CALCR: variants seen among roughly 807,000 people sequenced by gnomAD.
CALCR encodes calcitonin receptor.
Under a neutral mutation model 59.5 loss-of-function variants are expected in CALCR, and 47 were observed. The observed-to-expected ratio is 0.79, with a 90% CI of 0.63 to 1.01. The LOEUF (loss-of-function observed/expected upper bound fraction) is 1.01. Among genes scored for constraint, CALCR ranks in the 50% least tolerant of loss-of-function variants. CALCR has a pLI of 0.00. For synonymous variants in CALCR, 213 were observed against 211.3 expected (o/e 1.01, Z -0.07); for missense variants, 566 against 597.1 (o/e 0.95, Z 0.54).
intron 13 of CALCR, among the ~76,000 whole-genome samples, chr7:93,430,793 G>C (rs1562924406): frequency 6.6e-6 from 1 of 152,120 alleles, no homozygotes; most frequent in Non-Finnish European, 1.5e-5. Context: ...TGCTGCTGGG[G>C]CCAAGCAATC....
chr7:93,545,147 T>G (rs1345381258), intron 2 of CALCR, among the ~76,000 whole-genome samples: 1 of 152,110 alleles, frequency 6.6e-6, no homozygotes, highest in African/African-American at 2.4e-5. Flanking sequence ...TGGCCTACTT[T>G]GTAAACACAG....
intron 2 of CALCR, among the ~76,000 whole-genome samples, chr7:93,532,838 C>CAAAAAAAGA (rs1788878085): frequency 1.0e-5 from 1 of 95,718 alleles, no homozygotes; most frequent in Non-Finnish European, 2.0e-5. Flanking sequence ...ATGTCCAAAG[C>CAAAAAAAGA]AAAAAAAAAA....
intron 3 of CALCR, among the ~76,000 whole-genome samples, chr7:93,483,465 A>C (rs1244247972): frequency 6.7e-6 from 1 of 149,438 alleles, no homozygotes; most frequent in Non-Finnish European, 1.5e-5. Context: ...AGACAGACAG[A>C]TAGATAGATA....
At chr7:93,574,628 G>T (rs540183982) in intron 1 of CALCR, 64 bp downstream of exon 1, 1 of 152,448 alleles carries the variant, frequency 6.6e-6, no homozygotes, top group East Asian at 1.9e-4. Context: ...TGTATTATCA[G>T]CTAAAAGACA....
intron 6 of CALCR, among the ~76,000 whole-genome samples, chr7:93,469,210 C>T (rs1800502194): frequency 6.6e-6 from 1 of 151,716 alleles, no homozygotes; most frequent in African/African-American, 2.4e-5. Flanking sequence ...GCTGTCCTGA[C>T]CTACAGAGGG....
intron 2 of CALCR, among the ~76,000 whole-genome samples, chr7:93,532,019 C>T (rs1788854674): frequency 6.6e-6 from 1 of 151,960 alleles, no homozygotes; most frequent in Non-Finnish European, 1.5e-5. Context: ...TAAAAAACAA[C>T]TATAATGCAA....
chr7:93,532,090 T>C (rs1788856065), intron 2 of CALCR, among the ~76,000 whole-genome samples: 1 of 152,088 alleles, frequency 6.6e-6, no homozygotes, highest in Non-Finnish European at 1.5e-5. Context: ...TATCTATTGA[T>C]AGCCATAAAG....
At chr7:93,528,658 A>C (rs1788744603) in intron 2 of CALCR, among the ~76,000 whole-genome samples, 1 of 152,212 alleles carries the variant, frequency 6.6e-6, no homozygotes, top group Non-Finnish European at 1.5e-5. Context: ...AATGTAATAT[A>C]ATCTTAAAGG....
At chr7:93,519,158 G>A (rs1448398082) in intron 2 of CALCR, among the ~76,000 whole-genome samples, 2 of 151,742 alleles carry the variant, frequency 1.3e-5, no homozygotes, top group Admixed American at 6.6e-5. Flanking sequence ...GTCTTCACTC[G>A]TACATACTAA....
At position 93,466,052 on chromosome 7, in the gene CALCR, G is replaced by A. The variant is rs144006248; in HGVS notation, c.521+2663C>T. 5.8e-3 allele frequency among the ~76,000 whole-genome samples: 879 copies of A among 151,930 alleles called. 2 individuals carry two copies. Among genetic ancestry groups the A allele is most frequent in the Non-Finnish European group, 0.01 (696 of 67,892 alleles). ...TCAATGGAATGATTGTGAATGGGGCGTCAGCTCTCAGAAGTGGAGCTGGGT... is the reference window on the plus strand; with the variant it reads ...TCAATGGAATGATTGTGAATGGGGCATCAGCTCTCAGAAGTGGAGCTGGGT... On this transcript the variant is annotated intron_variant, in intron 7 of 13. Transcript: ENST00000426151.
chr7:93,495,819 C>A (rs1801188664), intron 2 of CALCR: 41 of 1,177,190 alleles, frequency 3.5e-5, no homozygotes, highest in Non-Finnish European at 5.0e-5. Context: ...TTAGAACATG[C>A]AAATGAAGAA....
chr7:93,569,464 T>C (rs563171884), intron 2 of CALCR, among the ~76,000 whole-genome samples: 7 of 152,252 alleles, frequency 4.6e-5, no homozygotes, highest in African/African-American at 1.7e-4. Context: ...CCCCTCTTTA[T>C]CTAGCTCATT....
intron 8 of CALCR, among the ~76,000 whole-genome samples, chr7:93,444,688 G>GTGAC (rs1462579622): frequency 6.6e-6 from 1 of 152,028 alleles, no homozygotes; most frequent in Non-Finnish European, 1.5e-5. Context: ...TTGAGGATGC[G>GTGAC]TGACTGAGGG....
intron 2 of CALCR, among the ~76,000 whole-genome samples, chr7:93,504,813 T>G (rs555966280): frequency 6.6e-6 from 1 of 152,296 alleles, no homozygotes; most frequent in East Asian, 1.9e-4. Context: ...TAGTGTTATC[T>G]ATTCACTTTG....
At chr7:93,511,513 T>C (rs1241968009) in intron 2 of CALCR, among the ~76,000 whole-genome samples, 1 of 152,112 alleles carries the variant, frequency 6.6e-6, no homozygotes, top group Non-Finnish European at 1.5e-5. Context: ...CAACAATTTA[T>C]TGAACATATT....
intron 2 of CALCR, among the ~76,000 whole-genome samples, chr7:93,563,072 G>A (rs990361900): frequency 1.3e-5 from 2 of 152,138 alleles, no homozygotes; most frequent in Non-Finnish European, 2.9e-5. Context: ...GAACATGGAA[G>A]TACACACAAA....
intron 2 of CALCR, among the ~76,000 whole-genome samples, chr7:93,539,053 C>A (rs1248476654): frequency 2.0e-5 from 3 of 152,048 alleles, no homozygotes. Context: ...ACTCATAGAT[C>A]TTATATGCTT....
intron 2 of CALCR, among the ~76,000 whole-genome samples, chr7:93,566,311 GA>G (rs995894075): frequency 9.2e-5 from 14 of 152,100 alleles, no homozygotes; most frequent in African/African-American, 3.4e-4. Context: ...AACTTAATAT[GA>G]AGTGTGATCC....
intron 2 of CALCR, among the ~76,000 whole-genome samples, chr7:93,492,391 A>C (rs1386046936): frequency 1.3e-5 from 2 of 151,430 alleles, no homozygotes; most frequent in African/African-American, 4.8e-5. Context: ...ATTTTTCCAG[A>C]TATAAATTAC....
Sources: allele counts gnomAD v4.1 joint callset (sites outside exome capture counted in the v4.1 genomes callset), GRCh38; gene constraint gnomAD v4.1.1; transcripts MANE v1.5; gene names NCBI Gene and HGNC (gene_info 2026-07-23, HGNC 2026-07-21).